Variants in FAM107A observed in about 807,000 individuals in gnomAD.
FAM107A encodes the protein actin-associated protein FAM107A.
A neutral mutation model predicts 13.7 loss-of-function variants in FAM107A; 19 were observed. The observed-to-expected ratio is 1.38, with a 90% CI of 0.97 to 2.03. The LOEUF (loss-of-function observed/expected upper bound fraction) is 2.03, where lower values mean the gene tolerates loss of function less well. Ranked by LOEUF, FAM107A falls within the 30% of genes most tolerant of loss-of-function variation. FAM107A has a pLI of 0.00. For missense variants in FAM107A, 203 were observed against 184.4 expected (o/e 1.10, Z -0.58); for synonymous variants, 82 against 74.5 (o/e 1.10, Z -0.52).
At chr3:58,568,001 A>G (rs1190215705) in intron 2 of FAM107A, among the ~76,000 whole-genome samples, 2 of 152,064 alleles carry the variant, frequency 1.3e-5, no homozygotes, top group African/African-American at 4.8e-5. Context: ...CAGTGGTGCA[A>G]TCATAGCTCA....
chr3:58,567,505 T>C (rs2108036077), intron 2 of FAM107A, 141 bp from the exon 3 acceptor site: 2 of 926,422 alleles, frequency 2.2e-6, no homozygotes, highest in Non-Finnish European at 3.2e-6. Flanking sequence ...GACCCATTAC[T>C]GTCCCATTTT....
chr3:58,620,025 T>C (rs2065938658), intron 1 of FAM107A, among the ~76,000 whole-genome samples: 2 of 152,142 alleles, frequency 1.3e-5, no homozygotes, highest in African/African-American at 2.4e-5. Context: ...TTCCATAAGG[T>C]TGGCCTTCAA....
chr3:58,609,470 T>C, intron 1 of FAM107A, among the ~76,000 whole-genome samples: 1 of 152,228 alleles, frequency 6.6e-6, no homozygotes, highest in East Asian at 1.9e-4. Context: ...TTTTCTAGTC[T>C]TCTTCTTATA....
chr3:58,587,079 CCG>C, exon 1 of FAM107A: 2 of 1,362,000 alleles, frequency 1.5e-6, no homozygotes, highest in Non-Finnish European at 1.9e-6. Context: ...ACGGCGGCGG[CCG>C]GAGGGGCGGG....
intron 1 of FAM107A, chr3:58,627,357 A>G (rs977215135): frequency 8.7e-5 from 23 of 265,818 alleles, no homozygotes; most frequent in Non-Finnish European, 1.5e-4. Context: ...ACACACCGGT[A>G]GCTCAGGCGC....
chr3:58,623,426 C>G (rs1305562518), intron 1 of FAM107A, among the ~76,000 whole-genome samples: 1 of 152,158 alleles, frequency 6.6e-6, no homozygotes, highest in Non-Finnish European at 1.5e-5. Flanking sequence ...CGCCTCCTGC[C>G]CTGCAGAAGC....
intron 1 of FAM107A, among the ~76,000 whole-genome samples, chr3:58,597,981 T>G (rs542803041): frequency 1.3e-5 from 2 of 152,320 alleles, no homozygotes; most frequent in South Asian, 4.1e-4. Context: ...TAAGGAACCC[T>G]TCTCCCTGGA....
Position 58,604,846 on chromosome 3 carries a change from A to T in FAM107A, c.-69-15577T>A, listed in dbSNP as rs1195589462. Among the ~76,000 whole-genome samples, 1 of 152,084 alleles carries T rather than the reference A, an allele frequency of 6.6e-6. No homozygotes were observed. The highest frequency in any genetic ancestry group is 1.5e-5 in the Non-Finnish European group (1 of 68,008). The stretch of plus-strand genomic sequence containing the variant: ...GGATCACATTTTCCTGTCTCTTTGC[A>T]TGTCTAAACAATTTTGATTGTATAC... On this transcript the variant is annotated intron_variant, in intron 1 of 3. Transcript: ENST00000465970. The surrounding 1 kb of genome is among the most constrained non-coding windows in gnomAD (Gnocchi z 4.1).
rs776933140 is a variant in FAM107A, at chr3:58,584,093, C to A, written c.79+2765G>T. ...TGGCTCCTTACTCCCATTCTCACTT[C>A]CTGCCGCTCCCTGTGTGGAGCAGCC... On this transcript the variant is annotated intron_variant, in intron 1 of 3. Coordinates refer to the FAM107A transcript ENST00000447756. Among the ~76,000 whole-genome samples the A allele has an allele frequency of 7.2e-5, 11 of 152,174 alleles. 1 individual carries two copies. Among genetic ancestry groups the A allele is most frequent in the Admixed American group, 2.6e-4 (4 of 15,282 alleles).
In FAM107A at chr3:58,617,983, G is replaced by A. The variant is rs1246691806; in HGVS notation, c.-70+9433C>T. Among the ~76,000 whole-genome samples, 9 of 152,328 alleles carry A rather than the reference G, an allele frequency of 5.9e-5. No individual in the cohort carries two copies. Among genetic ancestry groups the A allele is most frequent in the Admixed American group, 4.6e-4 (7 of 15,306 alleles). ...CTTGTTGGCTCTGTGATCTTGAGACGTGAACTCAACCTCTTTGAGTCGAGC... is the reference window on the plus strand; with the variant it reads ...CTTGTTGGCTCTGTGATCTTGAGACATGAACTCAACCTCTTTGAGTCGAGC... On this transcript the variant is annotated intron_variant, in intron 1 of 3. Transcript: ENST00000465970. This position sits in a 1 kb window ranked among gnomAD's most constrained non-coding sequence, Gnocchi z 4.5.
chr3:58,587,532 G>A (rs2065621441), upstream of FAM107A, among the ~76,000 whole-genome samples: 1 of 151,182 alleles, frequency 6.6e-6, no homozygotes, highest in South Asian at 2.1e-4. Context: ...CCAGAACAGA[G>A]GCTGGTGCAG....
At position 58,567,285 on chromosome 3, in the gene FAM107A, T is replaced by C. The variant is rs762976325; in HGVS notation, c.250A>G (p.Lys84Glu). 1.1e-5 allele frequency: 18 copies of C among 1,612,002 alleles called. No individual in the cohort carries two copies. The highest frequency in any genetic ancestry group is 1.0e-4 in the Admixed American group (6 of 59,892). Residue 84 changes from lysine (K) to glutamate (E), a missense_variant, in exon 3 of 4, where the codon AAG becomes GAG. Physicochemically the swap from Lys to Glu is moderately conservative, Grantham distance 56 (BLOSUM62 1). Coordinates refer to ENST00000360997, the MANE Select transcript of FAM107A (RefSeq NM_001076778.3). ...AGCCGCTTGGCTTCCAGCTCCTCCT[T>C]CTTCTTCTTGATGAGCTGGTTCCGC... The part of the protein sequence containing the change: ...RRRNQLIKKK[K>E]EELEAKRLQC...
chr3:58,608,507 C>A, intron 1 of FAM107A, among the ~76,000 whole-genome samples: 1 of 152,192 alleles, frequency 6.6e-6, no homozygotes, highest in East Asian at 1.9e-4. Flanking sequence ...ACCCTAAGAG[C>A]CAGGCAGCTC....
rs2065775262 is a variant in FAM107A, at chr3:58,604,267, T to G, written c.-69-14998A>C. Among the ~76,000 whole-genome samples, 1 of 152,144 alleles carries G rather than the reference T, an allele frequency of 6.6e-6. No individual in the cohort carries two copies. The highest frequency in any genetic ancestry group is 1.5e-5 in the Non-Finnish European group (1 of 68,016). ...TGCCCACAATTCAACATTATTATAC[T>G]TGGGAGAGTGACATCCCAACTCGTG... On this transcript the variant is annotated intron_variant, in intron 1 of 3. Transcript: ENST00000465970. The surrounding 1 kb of genome is among the most constrained non-coding windows in gnomAD (Gnocchi z 4.1).
chr3:58,622,313 C>T (rs1324816334), intron 1 of FAM107A, among the ~76,000 whole-genome samples: 1 of 152,176 alleles, frequency 6.6e-6, no homozygotes, highest in East Asian at 1.9e-4. Flanking sequence ...TGGTGATGCA[C>T]ACCTGTAATC....
chr3:58,588,704 GTTCT>G (rs562383119), upstream of FAM107A, among the ~76,000 whole-genome samples: 8 of 152,274 alleles, frequency 5.3e-5, no homozygotes, highest in South Asian at 1.0e-3. Context: ...TCAAGCTATG[GTTCT>G]TTCTTTCTTT....
At position 58,586,433 on chromosome 3, in the gene FAM107A, A is replaced by G. The variant is rs1206817682; in HGVS notation, c.79+425T>C. On this transcript the variant is annotated intron_variant, in intron 1 of 3. Coordinates refer to the FAM107A transcript ENST00000447756. ...AAAGAAAGGCAGAAAGGAGGAAGAA[A>G]AAAAAAGTAATTAAAAAGAATGACG... Among the ~76,000 whole-genome samples, 11 of 152,226 alleles carry G rather than the reference A, an allele frequency of 7.2e-5. 1 individual carries two copies. Among genetic ancestry groups the G allele is most frequent in the Admixed American group, 2.6e-4 (4 of 15,284 alleles).
At chr3:58,626,987 G>T in intron 1 of FAM107A, 1 of 1,535,966 alleles carries the variant, frequency 6.5e-7, no homozygotes, top group Non-Finnish European at 8.7e-7. Context: ...CCCCTGGGCT[G>T]CTCCCATGGC....
At chr3:58,571,559 C>T (rs1045603060) in intron 1 of FAM107A, among the ~76,000 whole-genome samples, 1 of 152,092 alleles carries the variant, frequency 6.6e-6, no homozygotes, top group Non-Finnish European at 1.5e-5. Flanking sequence ...TTAAAATGGG[C>T]ACTCGACAAA....
Sources: gnomAD v4.1 joint callset for allele counts (sites outside exome capture counted in the v4.1 genomes callset) on GRCh38, gnomAD v4.1.1 for gene constraint, Gnocchi (gnomAD v3.1) non-coding constraint, MANE v1.5 for transcripts, NCBI Gene and HGNC (gene_info 2026-07-23, HGNC 2026-07-21) for gene names.